Variants in GLIS3 observed in about 807,000 individuals in gnomAD.
GLIS3 encodes the protein zinc finger protein GLIS3.
In GLIS3, 53 loss-of-function variants were observed where a neutral mutation model predicts 78.6. That is an observed-to-expected ratio of 0.67 (90% confidence interval 0.54 to 0.85). The LOEUF (loss-of-function observed/expected upper bound fraction) is 0.85, where lower values mean the gene tolerates loss of function less well. Ranked by LOEUF, GLIS3 falls within the 40% of genes least tolerant of loss-of-function variation. The pLI is 0.00. For missense variants in GLIS3, 1,703 were observed against 1,231.1 expected, an observed-to-expected ratio of 1.38 and a Z score of -5.74; for synonymous variants, 684 against 509.9, an observed-to-expected ratio of 1.34 and a Z score of -4.60.
chr9:3,996,616 C>G (rs1348611957), intron 4 of GLIS3, among the ~76,000 whole-genome samples: 2 of 152,006 alleles, frequency 1.3e-5, no homozygotes, highest in Non-Finnish European at 2.9e-5. Context: ...AAATTGTTTA[C>G]TTAGGAGTTA....
intron 2 of GLIS3, among the ~76,000 whole-genome samples, chr9:4,274,645 G>A (rs988852716): frequency 6.6e-6 from 1 of 152,168 alleles, no homozygotes; most frequent in Non-Finnish European, 1.5e-5. Flanking sequence ...GCAAAAAACA[G>A]ATTCAAAAAC....
chr9:4,386,079 C>T, the GLIS3 span, among the ~76,000 whole-genome samples: 1 of 152,178 alleles, frequency 6.6e-6, no homozygotes, highest in Non-Finnish European at 1.5e-5. Flanking sequence ...TTTATCCCTT[C>T]TGCAAATGCT....
intron 7 of GLIS3, among the ~76,000 whole-genome samples, chr9:3,880,728 T>G (rs1361210407): frequency 6.6e-6 from 1 of 152,174 alleles, no homozygotes; most frequent in Non-Finnish European, 1.5e-5. Flanking sequence ...ATAGAATAAG[T>G]ACCCCAGATG....
Position 3,825,197 on chromosome 9 carries a change from C to T in GLIS3, c.*3075G>A, listed in dbSNP as rs551061807. The T allele has an allele frequency of 5.9e-5, 9 of 152,258 alleles. No homozygotes were observed. The East Asian group carries it at 1.7e-3, about 29-fold the overall frequency. The allele number at this position is 152,258 out of a possible 1,614,324, so 9.4% of individuals were successfully genotyped here. On this transcript the variant is annotated 3_prime_UTR_variant, in exon 11 of 11. Transcript: ENST00000381971. The stretch of plus-strand genomic sequence containing the variant: ...GAAACAACTGAACAAAGCCAACACT[C>T]TTATCAGTGGTAACTCTGCTGTGAT...
chr9:4,357,779 A>G, the GLIS3 span, among the ~76,000 whole-genome samples: 10 of 152,174 alleles, frequency 6.6e-5, no homozygotes, highest in Admixed American at 6.5e-5. Flanking sequence ...GGACATGGTC[A>G]AAGAACTGAA....
At chr9:3,940,127 G>GT (rs1826122131) in intron 4 of GLIS3, among the ~76,000 whole-genome samples, 1 of 152,174 alleles carries the variant, frequency 6.6e-6, no homozygotes, top group Admixed American at 6.5e-5. Context: ...CCCTCAGGCA[G>GT]TTTTACCGCT....
At chr9:4,069,120 T>C (rs1827369407) in intron 4 of GLIS3, among the ~76,000 whole-genome samples, 1 of 152,140 alleles carries the variant, frequency 6.6e-6, no homozygotes, top group South Asian at 2.1e-4. Flanking sequence ...GGGCCTTGGA[T>C]AAGGCTCAAT....
chr9:4,257,056 TATGTGTA>T (rs1234244246), intron 2 of GLIS3, among the ~76,000 whole-genome samples: 1 of 152,076 alleles, frequency 6.6e-6, no homozygotes, highest in Non-Finnish European at 1.5e-5. Context: ...TATTATGTAT[TATGTGTA>T]CATATGTATG....
intron 2 of GLIS3, among the ~76,000 whole-genome samples, chr9:4,255,398 CA>C (rs1225629066): frequency 1.3e-5 from 2 of 151,746 alleles, no homozygotes; most frequent in African/African-American, 4.8e-5. Context: ...GGTCCACACA[CA>C]AAAAAAACCT....
intron 4 of GLIS3, among the ~76,000 whole-genome samples, chr9:3,978,628 GTA>G (rs201475671): frequency 2.0e-5 from 3 of 150,574 alleles, no homozygotes; most frequent in Non-Finnish European, 4.4e-5. Context: ...GTATATGTGT[GTA>G]TATATATATA....
the GLIS3 span, among the ~76,000 whole-genome samples, chr9:4,473,091 T>C: frequency 6.6e-6 from 1 of 152,164 alleles, no homozygotes; most frequent in African/African-American, 2.4e-5. Context: ...TATACGCATT[T>C]CTTTTTCTCT....
chr9:4,174,911 C>A (rs537931401), intron 2 of GLIS3, among the ~76,000 whole-genome samples: 137 of 152,180 alleles, frequency 9.0e-4, no homozygotes, highest in African/African-American at 3.3e-3. Flanking sequence ...TAGATCTGAC[C>A]GTCTTCACAG....
chr9:4,180,801 G>C (rs930327807), intron 2 of GLIS3, among the ~76,000 whole-genome samples: 1 of 152,146 alleles, frequency 6.6e-6, no homozygotes, highest in Admixed American at 6.5e-5. Flanking sequence ...AGGAGCGGCG[G>C]TGTAGCAGAG....
intron 2 of GLIS3, among the ~76,000 whole-genome samples, chr9:4,240,536 T>C (rs1041431856): frequency 2.0e-5 from 3 of 152,104 alleles, no homozygotes; most frequent in Non-Finnish European, 4.4e-5. Flanking sequence ...CTAGTAAAAA[T>C]TATAAACAAG....
chr9:4,185,855 G>A (rs935013669), intron 2 of GLIS3, among the ~76,000 whole-genome samples: 1 of 152,170 alleles, frequency 6.6e-6, no homozygotes, highest in East Asian at 1.9e-4. Flanking sequence ...CTGGAAGCTG[G>A]AGGGCAAGGC....
intron 9 of GLIS3, among the ~76,000 whole-genome samples, chr9:3,843,481 G>C (rs920301280): frequency 6.6e-6 from 1 of 152,116 alleles, no homozygotes; most frequent in Non-Finnish European, 1.5e-5. Context: ...TGTTGTATTT[G>C]GGAAACCTGA....
intron 4 of GLIS3, among the ~76,000 whole-genome samples, chr9:4,021,579 T>C (rs1435199767): frequency 6.6e-6 from 1 of 152,190 alleles, no homozygotes; most frequent in Admixed American, 6.5e-5. Flanking sequence ...GCATCCATTG[T>C]ACATTAGTCA....
the GLIS3 span, among the ~76,000 whole-genome samples, chr9:4,417,305 A>C: frequency 1.3e-5 from 2 of 152,198 alleles, no homozygotes; most frequent in African/African-American, 4.8e-5. Flanking sequence ...GATATTATTT[A>C]ACTAAAACAT....
At chr9:4,127,855 ATATC>A (rs1056630462) in intron 2 of GLIS3, among the ~76,000 whole-genome samples, 1 of 152,220 alleles carries the variant, frequency 6.6e-6, no homozygotes, top group African/African-American at 2.4e-5. Flanking sequence ...AAAGGTATTA[ATATC>A]TATCTACCTC....
Sources: gnomAD v4.1 joint callset for allele counts (sites outside exome capture counted in the v4.1 genomes callset) on GRCh38, gnomAD v4.1.1 for gene constraint, MANE v1.5 for transcripts, NCBI Gene and HGNC (gene_info 2026-07-23, HGNC 2026-07-21) for gene names.